Variants in ACKR2 observed in about 807,000 individuals in gnomAD.
ACKR2 encodes the protein atypical chemokine receptor 2.
For synonymous variants in ACKR2, 207 were observed against 192.2 expected (o/e 1.08, Z -0.64); for missense variants, 457 against 477.3 (o/e 0.96, Z 0.40).
chr3:42,845,571 C>A lies in ACKR2; in HGVS notation c.-37-18895C>A, dbSNP rs140023285. Among the ~76,000 whole-genome samples the A allele has an allele frequency of 5.4e-3, 828 of 152,200 alleles. 4 individuals are homozygous for A. The highest frequency in any genetic ancestry group is 0.02 in the South Asian group (98 of 4,816). Reference sequence around the variant, plus strand: ...TGGAGACGGGGTTTCACTGTGTTAGCCAAGCTGGTCTTGAACTCCTGACCT... The same window carrying A: ...TGGAGACGGGGTTTCACTGTGTTAGACAAGCTGGTCTTGAACTCCTGACCT... On this transcript the variant is annotated intron_variant, in intron 2 of 2. Transcript: ENST00000422265.
intron 2 of ACKR2, chr3:42,835,559 A>G (rs564160547): frequency 9.9e-5 from 15 of 152,104 alleles, no homozygotes; most frequent in Non-Finnish European, 2.1e-4. Flanking sequence ...TCTGTTTCCC[A>G]TCTGGAAATG....
chr3:42,866,906 C>T lies in ACKR2; in HGVS notation c.*1249C>T, dbSNP rs542195074. 6.0e-6 allele frequency: 1 copy of T among 165,608 alleles called. No homozygotes were observed. Among genetic ancestry groups the T allele is most frequent in the East Asian group, 1.9e-4 (1 of 5,150 alleles). 10.3% of individuals were successfully genotyped at this position (165,608 alleles called of 1,614,324 possible). A position where few individuals can be genotyped will look rare whatever the true frequency, so the allele number is the denominator to read the frequency against. On this transcript the variant is annotated 3_prime_UTR_variant, in exon 3 of 3. Coordinates refer to ENST00000422265, the MANE Select transcript of ACKR2 (RefSeq NM_001296.5). ...TTTTTTTTTTTGAGACAGGATCTCA[C>T]TCTGTCATCCAGGCTGAAGTCCAAT...
Position 42,825,860 on chromosome 3 carries a change from T to TGTTTG in ACKR2, c.-38+6149_-38+6150insGTTTG, listed in dbSNP as rs764738704. On this transcript the variant is annotated intron_variant, in intron 2 of 2. Coordinates refer to ENST00000422265, the MANE Select transcript of ACKR2 (RefSeq NM_001296.5). Reference sequence around the variant, plus strand: ...GTGATGTTAGCTCTGGGTTTTTTTTTTTTTGTTTTTTTTTTTTGTAGATAC... The same window carrying TGTTTG: ...GTGATGTTAGCTCTGGGTTTTTTTTTGTTTGTTTTGTTTTTTTTTTTTGTAGATAC... Among the ~76,000 whole-genome samples the TGTTTG allele has an allele frequency of 1.6e-4, 17 of 103,650 alleles. 2 individuals carry two copies. The highest frequency in any genetic ancestry group is 2.5e-4 in the Non-Finnish European group (11 of 44,164). The allele number at this position is 103,650 out of a possible 152,430, so 68.0% of individuals were successfully genotyped here.
At chr3:42,842,489 A>G (rs926769238) in intron 2 of ACKR2, among the ~76,000 whole-genome samples, 1 of 152,178 alleles carries the variant, frequency 6.6e-6, no homozygotes, top group African/African-American at 2.4e-5. Context: ...GGATTAGGAG[A>G]TAGGAACCCT....
At chr3:42,810,414 C>G (rs1259053881) in intron 1 of ACKR2, among the ~76,000 whole-genome samples, 4 of 151,820 alleles carry the variant, frequency 2.6e-5, no homozygotes, top group Non-Finnish European at 4.4e-5. Flanking sequence ...AGTACCCCCC[C>G]CCAATTTTTC....
At position 42,852,956 on chromosome 3, in the gene ACKR2, T is replaced by C. The variant is rs1370047358; in HGVS notation, c.-37-11510T>C. Among the ~76,000 whole-genome samples, 1 of 152,116 alleles carries C rather than the reference T, an allele frequency of 6.6e-6. No individual in the cohort carries two copies. Among genetic ancestry groups the C allele is most frequent in the African/African-American group, 2.4e-5 (1 of 41,414 alleles). ...CTGGCCAGCTGTGCCTGGCTTACAG[T>C]GTGGCCCTGGATTTCCTGGGAAACT... On this transcript the variant is annotated intron_variant, in intron 2 of 2. Coordinates refer to ENST00000422265, the MANE Select transcript of ACKR2 (RefSeq NM_001296.5). The surrounding 1 kb of genome is among the most constrained non-coding windows in gnomAD (Gnocchi z 4.3).
intron 2 of ACKR2, among the ~76,000 whole-genome samples, chr3:42,854,446 C>G (rs1701198041): frequency 6.6e-6 from 1 of 152,176 alleles, no homozygotes; most frequent in South Asian, 2.1e-4. Context: ...CTGTCGGAAC[C>G]TCAACCTTCG....
In ACKR2 at chr3:42,821,608, CA is replaced by C. The variant is rs796857146; in HGVS notation, c.-38+1898del. ...AATTTGAACCCAGTACTGTTTAGCT[CA>C]TGCCCTTTCTGGAACACTCTCTTGC... is the stretch of plus-strand genomic sequence containing the variant. On this transcript the variant is annotated intron_variant, in intron 2 of 2. Transcript: ENST00000422265. Among the ~76,000 whole-genome samples, 73 of 152,294 alleles carry C rather than the reference CA, an allele frequency of 4.8e-4. 1 individual carries two copies. Among genetic ancestry groups the C allele is most frequent in the African/African-American group, 1.7e-3 (70 of 41,564 alleles).
At chr3:42,839,077 C>T (rs1701011573) in intron 2 of ACKR2, 1 of 152,206 alleles carries the variant, frequency 6.6e-6, no homozygotes, top group Admixed American at 6.5e-5. Flanking sequence ...TTTCTCCACA[C>T]CTGGACATGC....
chr3:42,851,504 G>C (rs1378548227), intron 2 of ACKR2: 1 of 889,886 alleles, frequency 1.1e-6, no homozygotes, highest in Non-Finnish European at 1.3e-6. Context: ...GACTTCCCAG[G>C]GGACACAGGG....
intron 1 of ACKR2, among the ~76,000 whole-genome samples, chr3:42,816,897 C>T (rs540505341): frequency 6.6e-6 from 1 of 152,006 alleles, no homozygotes; most frequent in East Asian, 1.9e-4. Flanking sequence ...GACAGCAGGA[C>T]ACTTAACAAG....
At chr3:42,809,674 C>G (rs1700674485) in intron 1 of ACKR2, 142 bp downstream of exon 1, 1 of 152,132 alleles carries the variant, frequency 6.6e-6, no homozygotes, top group Non-Finnish European at 1.5e-5. Flanking sequence ...CCAGCCTGAC[C>G]AACATGGTGA....
chr3:42,834,345 G>A (rs1025861032), intron 2 of ACKR2, among the ~76,000 whole-genome samples: 4 of 152,136 alleles, frequency 2.6e-5, no homozygotes, highest in Non-Finnish European at 4.4e-5. Flanking sequence ...CATATAAGAC[G>A]AGAACCTAAT....
At chr3:42,863,238 C>T (rs905671073) in intron 2 of ACKR2, among the ~76,000 whole-genome samples, 1 of 151,938 alleles carries the variant, frequency 6.6e-6, no homozygotes, top group Admixed American at 6.6e-5. Flanking sequence ...ATGCAGTCAA[C>T]AAACATATGA....
intron 2 of ACKR2, among the ~76,000 whole-genome samples, chr3:42,853,840 C>A (rs1185209757): frequency 6.6e-6 from 1 of 152,198 alleles, no homozygotes; most frequent in African/African-American, 2.4e-5. Flanking sequence ...AGGAAGCCAG[C>A]AAAAGTATTT....
In ACKR2 at chr3:42,865,019, C is replaced by T; in HGVS notation, c.517C>T (p.Leu173=). Residue 173 remains leucine, a synonymous_variant, in exon 3 of 3, where the codon CTG becomes TTG. Transcript: ENST00000422265. ...TGCTACCATAGTATGGGCTGTGTCC[C>T]TGGCCGTCTCCATCCCTGATATGGT... ...LLATIVWAVS[L]AVSIPDMVFV... is the part of the protein sequence containing the mutation. The T allele has an allele frequency of 6.2e-7, 1 of 1,614,190 alleles. No individual in the cohort carries two copies. Among genetic ancestry groups the T allele is most frequent in the Non-Finnish European group, 8.5e-7 (1 of 1,180,050 alleles).
chr3:42,858,281 T>C (rs1017873135), intron 2 of ACKR2, among the ~76,000 whole-genome samples: 1 of 152,162 alleles, frequency 6.6e-6, no homozygotes, highest in Admixed American at 6.5e-5. Context: ...GAGCTCTGGC[T>C]AGCATCTGGC....
At position 42,864,631 on chromosome 3, in the gene ACKR2, C is replaced by G. The variant is rs750619942; in HGVS notation, c.129C>G (p.Ser43=). 3.2e-5 allele frequency: 52 copies of G among 1,614,172 alleles called. No individual in the cohort carries two copies. The South Asian group carries it at 5.6e-4, about 17-fold the overall frequency. ...FMLCRKDAVV[S]FGKVFLPVFY... is the part of the protein sequence containing the mutation. Reference sequence around the variant, plus strand: ...TCTGCAGGAAGGATGCAGTGGTGTCCTTTGGCAAAGTCTTCCTCCCAGTCT... The same window carrying G: ...TCTGCAGGAAGGATGCAGTGGTGTCGTTTGGCAAAGTCTTCCTCCCAGTCT... The change falls in exon 3 of 3, where the codon TCC becomes TCG. Residue 43 remains serine, a synonymous_variant. Coordinates refer to ENST00000422265, the MANE Select transcript of ACKR2 (RefSeq NM_001296.5).
In ACKR2 at chr3:42,846,120, C is replaced by T. The variant is rs557248237; in HGVS notation, c.-37-18346C>T. ...CGTGGGAGGATTAGACAAATTAATA[C>T]ATGTAATGCACTTGAAACAGTGTCC... On this transcript the variant is annotated intron_variant, in intron 2 of 2. Transcript: ENST00000422265. Among the ~76,000 whole-genome samples the T allele has an allele frequency of 2.9e-4, 44 of 152,122 alleles. 1 individual carries two copies. The South Asian group carries it at 8.9e-3, about 31-fold the overall frequency.
Sources: allele counts gnomAD v4.1 joint callset (sites outside exome capture counted in the v4.1 genomes callset), GRCh38; gene constraint gnomAD v4.1.1; non-coding constraint Gnocchi (gnomAD v3.1); transcripts MANE v1.5; gene names NCBI Gene and HGNC (gene_info 2026-07-23, HGNC 2026-07-21).